The following CELF2 variants were observed in gnomAD, a reference collection of about 807,000 sequenced individuals.
CELF2 encodes the protein CUG triplet repeat RNA-binding protein 2.
CELF2 carries 8 observed loss-of-function variants against 62.6 expected under a neutral mutation model. That is an observed-to-expected ratio of 0.13 (90% CI 0.07 to 0.23). The LOEUF is 0.23. CELF2 is among the 10% of genes least tolerant of loss of function. The pLI is 1.00. For synonymous variants in CELF2, 258 were observed against 250.0 expected (o/e 1.03, Z -0.30); for missense variants, 333 against 671.0 (o/e 0.50, Z 5.56).
At chr10:10,850,212 G>A (rs1032591175) in intron 1 of CELF2, among the ~76,000 whole-genome samples, 7 of 151,980 alleles carry the variant, frequency 4.6e-5, no homozygotes, top group African/African-American at 1.4e-4. Flanking sequence ...AATTATATCT[G>A]GTAGTTTAAT....
the CELF2 span, among the ~76,000 whole-genome samples, chr10:10,640,277 C>T: frequency 1.3e-5 from 2 of 152,182 alleles, no homozygotes; most frequent in Non-Finnish European, 2.9e-5. Context: ...GGCTTGGCTT[C>T]AGTCAGTTTT....
At chr10:10,943,663 A>G (rs936396132) in intron 2 of CELF2, among the ~76,000 whole-genome samples, 3 of 152,056 alleles carry the variant, frequency 2.0e-5, no homozygotes, top group African/African-American at 4.8e-5. Flanking sequence ...CAGTGGCACA[A>G]TCTTGGTTCA....
intron 2 of CELF2, among the ~76,000 whole-genome samples, chr10:10,989,027 C>T (rs980182739): frequency 6.6e-6 from 1 of 152,116 alleles, no homozygotes; most frequent in African/African-American, 2.4e-5. Flanking sequence ...AAATTTTAAG[C>T]AACAACTTTA....
chr10:10,505,711 A>G, the CELF2 span, among the ~76,000 whole-genome samples: 1 of 152,230 alleles, frequency 6.6e-6, no homozygotes, highest in South Asian at 2.1e-4. Flanking sequence ...TGAAGTCATG[A>G]ACTCATCTGA....
chr10:10,947,022 G>A lies in CELF2; in HGVS notation c.89+27023G>A, dbSNP rs910479923. On this transcript the variant is annotated intron_variant, in intron 2 of 13. Transcript: ENST00000636488. This position sits in a 1 kb window ranked among gnomAD's most constrained non-coding sequence, Gnocchi z 4.1. Reference sequence around the variant, plus strand: ...TTAAGGTCGATAAGATGGAAGAATGGCAGCTGTGCTGGAGCAGACAGTGGT... The same window carrying A: ...TTAAGGTCGATAAGATGGAAGAATGACAGCTGTGCTGGAGCAGACAGTGGT... 1 of 152,260 alleles carries A rather than the reference G, an allele frequency of 6.6e-6. No individual in the cohort carries two copies. The highest frequency in any genetic ancestry group is 2.4e-5 in the African/African-American group (1 of 41,462). The allele number at this position is 152,260 out of a possible 1,614,324, so 9.4% of individuals were successfully genotyped here.
Position 11,223,228 on chromosome 10 carries a change from G to T in CELF2, c.354+5721G>T, listed in dbSNP as rs1188589024. Among the ~76,000 whole-genome samples the T allele has an allele frequency of 6.6e-6, 1 of 152,196 alleles. No homozygotes were observed. Among genetic ancestry groups the T allele is most frequent in the Non-Finnish European group, 1.5e-5 (1 of 68,032 alleles). ...TGCTTCCCAGCATCCTCACAGTCAG[G>T]CCTGAGCGGGGCACTGCCTGAGGAG... is the stretch of plus-strand genomic sequence containing the variant. On this transcript the variant is annotated intron_variant, in intron 3 of 12. Transcript: ENST00000633077. This position sits in a 1 kb window ranked among gnomAD's most constrained non-coding sequence, Gnocchi z 5.1.
At position 10,947,568 on chromosome 10, in the gene CELF2, A is replaced by G. The variant is rs2047832223; in HGVS notation, c.89+27569A>G. On this transcript the variant is annotated intron_variant, in intron 2 of 13. Coordinates refer to the CELF2 transcript ENST00000636488. This position sits in a 1 kb window ranked among gnomAD's most constrained non-coding sequence, Gnocchi z 4.1. ...GTTGTGTTGAATTCCTAACAAGCAT[A>G]TGAAAGAGGAAATCAGTGTCCTATT... 1 of 152,636 alleles carries G rather than the reference A, an allele frequency of 6.6e-6. No homozygotes were observed. The highest frequency in any genetic ancestry group is 6.5e-5 in the Admixed American group (1 of 15,278). 9.5% of individuals were successfully genotyped at this position (152,636 alleles called of 1,614,324 possible).
intron 1 of CELF2, among the ~76,000 whole-genome samples, chr10:11,107,153 A>T (rs1349723238): frequency 6.6e-6 from 1 of 152,206 alleles, no homozygotes; most frequent in Non-Finnish European, 1.5e-5. Flanking sequence ...GTCCCCACCC[A>T]GCAATAAGTG....
intron 1 of CELF2, chr10:11,096,244 A>G (rs1377867842): frequency 6.6e-6 from 1 of 152,266 alleles, no homozygotes; most frequent in Non-Finnish European, 1.5e-5. Context: ...TGGATTCTGC[A>G]TTTAAAATAT....
At chr10:11,313,607 C>T (rs761619848) in intron 9 of CELF2, among the ~76,000 whole-genome samples, 1 of 152,180 alleles carries the variant, frequency 6.6e-6, no homozygotes, top group Non-Finnish European at 1.5e-5. Flanking sequence ...GAACATTTTA[C>T]TGGCAAGTGC....
the CELF2 span, among the ~76,000 whole-genome samples, chr10:10,651,052 C>A: frequency 6.6e-6 from 1 of 151,854 alleles, no homozygotes. Flanking sequence ...GGCATTGCCT[C>A]ACTTGGGAAG....
rs747064921 is a variant in CELF2 at position 11,212,344 on chromosome 10, G to A, written c.272-5081G>A. Reference sequence around the variant, plus strand: ...GAGATGCTCCCTGTGAGGCCCCCCCGGGCCTGCCTTCACAGACAATGCTCT... The same window carrying A: ...GAGATGCTCCCTGTGAGGCCCCCCCAGGCCTGCCTTCACAGACAATGCTCT... On this transcript the variant is annotated intron_variant, in intron 2 of 12. Coordinates refer to ENST00000633077, the MANE Select transcript of CELF2 (RefSeq NM_001326342.2). Among the ~76,000 whole-genome samples the A allele has an allele frequency of 5.9e-5, 9 of 152,064 alleles. No homozygotes were observed. The South Asian group carries it at 8.3e-4, about 14-fold the overall frequency.
At chr10:10,871,177 G>T (rs2060723141) in intron 1 of CELF2, among the ~76,000 whole-genome samples, 1 of 152,126 alleles carries the variant, frequency 6.6e-6, no homozygotes, top group African/African-American at 2.4e-5. Flanking sequence ...CATGCCCTGG[G>T]GTCCAGTGTC....
the CELF2 span, among the ~76,000 whole-genome samples, chr10:10,740,849 C>T: frequency 6.6e-6 from 1 of 152,124 alleles, no homozygotes; most frequent in Non-Finnish European, 1.5e-5. Context: ...ACTGCATGAT[C>T]TCACTTAGAT....
chr10:11,125,130 A>C (rs1481154736), intron 1 of CELF2, among the ~76,000 whole-genome samples: 3 of 152,184 alleles, frequency 2.0e-5, no homozygotes, highest in African/African-American at 7.2e-5. Context: ...AAATTGACCC[A>C]GTCAGTGGTT....
chr10:10,782,246 T>A, the CELF2 span, among the ~76,000 whole-genome samples: 9 of 152,224 alleles, frequency 5.9e-5, no homozygotes, highest in Admixed American at 4.6e-4. Context: ...AGCAGTGAAC[T>A]GGCAACCCAG....
chr10:11,242,846 G>A lies in CELF2; in HGVS notation c.355-6307G>A, dbSNP rs895316350. ...CATGGGCTGCTTATCCCCAGGAGGTGGGACGAAGGGGGAGGCCTGATGCTG... is the reference window on the plus strand; with the variant it reads ...CATGGGCTGCTTATCCCCAGGAGGTAGGACGAAGGGGGAGGCCTGATGCTG... On this transcript the variant is annotated intron_variant, in intron 3 of 12. Coordinates refer to ENST00000633077, the MANE Select transcript of CELF2 (RefSeq NM_001326342.2). The surrounding 1 kb of genome is among the most constrained non-coding windows in gnomAD (Gnocchi z 4.8). Among the ~76,000 whole-genome samples the A allele has an allele frequency of 1.3e-5, 2 of 152,090 alleles. No homozygotes were observed. Among genetic ancestry groups the A allele is most frequent in the Admixed American group, 6.5e-5 (1 of 15,268 alleles).
rs1044182442 is a variant in CELF2 at position 10,853,912 on chromosome 10, G to A, written c.53+55095G>A. 2.0e-5 allele frequency among the ~76,000 whole-genome samples: 3 copies of A among 152,126 alleles called. No homozygotes were observed. The East Asian group carries it at 5.8e-4, about 29-fold the overall frequency. On this transcript the variant is annotated intron_variant, in intron 1 of 13. Transcript: ENST00000636488. Reference sequence around the variant, plus strand: ...AAATTAAAAGGGAGAGCAAGACTTCGCATGTACGAAAGTCAAGGAGTGTGG... The same window carrying A: ...AAATTAAAAGGGAGAGCAAGACTTCACATGTACGAAAGTCAAGGAGTGTGG...
At chr10:10,640,940 C>T in the CELF2 span, among the ~76,000 whole-genome samples, 212 of 152,198 alleles carry the variant, frequency 1.4e-3, no homozygotes, top group African/African-American at 4.9e-3. Context: ...ATCTGCTTGG[C>T]TTTGAGGGCC....
Sources: allele counts gnomAD v4.1 joint callset (sites outside exome capture counted in the v4.1 genomes callset), GRCh38; gene constraint gnomAD v4.1.1; non-coding constraint Gnocchi (gnomAD v3.1); transcripts MANE v1.5; gene names NCBI Gene and HGNC (gene_info 2026-07-23, HGNC 2026-07-21).